Variants in SLC7A8 observed in about 807,000 individuals in gnomAD.
The protein encoded by SLC7A8 is solute carrier family 7 member 8, also known as large neutral amino acids transporter small subunit 2.
SLC7A8 carries 30 observed loss-of-function variants against 51.2 expected under a neutral mutation model. The ratio of observed to expected loss-of-function variants is 0.59; its 90% CI spans 0.44 to 0.80. SLC7A8 has a LOEUF of 0.80. Among genes scored for constraint, SLC7A8 ranks in the 30% least tolerant of loss-of-function variants. The pLI is 0.00. For missense variants in SLC7A8, 612 were observed against 674.4 expected (o/e 0.91, Z 1.03); for synonymous variants, 257 against 275.8 (o/e 0.93, Z 0.67).
chr14:23,134,634 T>C (rs1021558974), intron 7 of SLC7A8, among the ~76,000 whole-genome samples: 1 of 152,074 alleles, frequency 6.6e-6, no homozygotes, highest in African/African-American at 2.4e-5. Flanking sequence ...TATAGCTCAC[T>C]GCAGCCTCCA....
intron 3 of SLC7A8, among the ~76,000 whole-genome samples, chr14:23,154,815 C>T (rs926218953): frequency 1.3e-5 from 2 of 152,042 alleles, no homozygotes; most frequent in East Asian, 3.9e-4. Flanking sequence ...CTTCTCTATT[C>T]CCCGCCCACC....
intron 3 of SLC7A8, chr14:23,156,176 T>G (rs1461892927): frequency 6.6e-6 from 1 of 152,134 alleles, no homozygotes; most frequent in East Asian, 1.9e-4. Context: ...TTTTGTATTT[T>G]TAGTAGAGAC....
rs150180016 is a variant in SLC7A8 at position 23,176,008 on chromosome 14, A to G, written c.151+6756T>C. 1.8e-3 allele frequency among the ~76,000 whole-genome samples: 277 copies of G among 152,292 alleles called. 2 individuals are homozygous for G. The highest frequency in any genetic ancestry group is 6.3e-3 in the African/African-American group (262 of 41,550). On this transcript the variant is annotated intron_variant, in intron 1 of 10. Coordinates refer to ENST00000316902, the MANE Select transcript of SLC7A8 (RefSeq NM_012244.4). ...TTTGAGAACAATGAGGGTTTTAATC[A>G]CATTTTCATCCTGAATGAACCAAAT... is the stretch of plus-strand genomic sequence containing the variant.
chr14:23,180,138 C>T (rs979039457), intron 1 of SLC7A8, among the ~76,000 whole-genome samples: 3 of 152,180 alleles, frequency 2.0e-5, no homozygotes, highest in East Asian at 1.9e-4. Flanking sequence ...GATCTCCTGA[C>T]CTCGTGATCC....
At chr14:23,175,954 T>A (rs1270544876) in intron 1 of SLC7A8, among the ~76,000 whole-genome samples, 1 of 152,208 alleles carries the variant, frequency 6.6e-6, no homozygotes, top group African/African-American at 2.4e-5. Flanking sequence ...TTGAAATACC[T>A]CCTAGCTGGC....
At chr14:23,164,870 C>T (rs1356687754) in intron 3 of SLC7A8, among the ~76,000 whole-genome samples, 1 of 151,868 alleles carries the variant, frequency 6.6e-6, no homozygotes, top group Non-Finnish European at 1.5e-5. Flanking sequence ...CTCACGCCTG[C>T]AATCCCAGCA....
chr14:23,163,979 A>T (rs987761980), intron 3 of SLC7A8, among the ~76,000 whole-genome samples: 5 of 145,722 alleles, frequency 3.4e-5, no homozygotes, highest in Non-Finnish European at 6.0e-5. Flanking sequence ...TTTTTTTTTT[A>T]GAGACAGGAT....
chr14:23,134,705 A>G (rs1316867027), intron 7 of SLC7A8, among the ~76,000 whole-genome samples: 1 of 151,796 alleles, frequency 6.6e-6, no homozygotes, highest in African/African-American at 2.4e-5. Context: ...CTACATGTAC[A>G]TATCACCGTG....
chr14:23,162,960 G>C (rs1433833971), intron 3 of SLC7A8, among the ~76,000 whole-genome samples: 1 of 152,108 alleles, frequency 6.6e-6, no homozygotes, highest in Non-Finnish European at 1.5e-5. Context: ...GAAAAAGGAA[G>C]CTGTCTGTGT....
At position 23,176,165 on chromosome 14, in the gene SLC7A8, T is replaced by A. The variant is rs187547883; in HGVS notation, c.151+6599A>T. 3.1e-3 allele frequency among the ~76,000 whole-genome samples: 471 copies of A among 152,348 alleles called. 1 individual carries two copies. Among genetic ancestry groups the A allele is most frequent in the Non-Finnish European group, 5.5e-3 (374 of 68,036 alleles). On this transcript the variant is annotated intron_variant, in intron 1 of 10. Coordinates refer to ENST00000316902, the MANE Select transcript of SLC7A8 (RefSeq NM_012244.4). ...ATTTTTGGGATTAGAAGCTAATACA[T>A]CATATTAGAGACTAAAATGCAAAAT...
rs920755040 is a variant in SLC7A8 at position 23,129,686 on chromosome 14, A to T, written c.1227T>A (p.Leu409=). 6 of 1,614,102 alleles carry T rather than the reference A, an allele frequency of 3.7e-6. No homozygotes were observed. Among genetic ancestry groups the T allele is most frequent in the Non-Finnish European group, 4.2e-6 (5 of 1,180,044 alleles). Residue 409 remains leucine (L), a synonymous_variant, in exon 9 of 11, where the codon CTT becomes CTA. Transcript: ENST00000316902. ...GGGGGATATCAGGCTTCTTCCAGCG[A>T]AGGACTATCTGTCCAGCAACCGTGA... The part of the protein sequence containing the change: ...YGVTVAGQIV[L]RWKKPDIPRP...
At chr14:23,182,013 G>T (rs1239486411) in intron 1 of SLC7A8, among the ~76,000 whole-genome samples, 1 of 152,190 alleles carries the variant, frequency 6.6e-6, no homozygotes, top group Non-Finnish European at 1.5e-5. Flanking sequence ...TTACCCATCA[G>T]TTCCTCCTCA....
chr14:23,145,987 T>C (rs1356901661), intron 3 of SLC7A8, among the ~76,000 whole-genome samples: 1 of 152,196 alleles, frequency 6.6e-6, no homozygotes, highest in Non-Finnish European at 1.5e-5. Flanking sequence ...TAAATACACA[T>C]TTGGTTTGTC....
At chr14:23,137,456 C>A (rs913306314) in intron 7 of SLC7A8, among the ~76,000 whole-genome samples, 4 of 152,134 alleles carry the variant, frequency 2.6e-5, no homozygotes, top group Non-Finnish European at 5.9e-5. Flanking sequence ...CAGGCTAGTT[C>A]CAGAACATTC....
At chr14:23,127,878 TCTGGACTCTTC>T in intron 10 of SLC7A8, 130 bp downstream of exon 10, 2 of 723,052 alleles carry the variant, frequency 2.8e-6, no homozygotes, top group Non-Finnish European at 4.6e-6. Flanking sequence ...CTTCCCCTGC[TCTGGACTCTTC>T]CAGGGCTCTG....
chr14:23,143,325 A>G, intron 3 of SLC7A8, 121 bp from the exon 4 acceptor site: 1 of 1,390,358 alleles, frequency 7.2e-7, no homozygotes, highest in African/African-American at 1.4e-5. Flanking sequence ...TGAGCCAGAC[A>G]TCCAGCAAGC....
intron 3 of SLC7A8, among the ~76,000 whole-genome samples, chr14:23,161,372 A>T (rs376889931): frequency 9.9e-5 from 15 of 151,592 alleles, no homozygotes; most frequent in African/African-American, 3.4e-4. Flanking sequence ...TACACCAATG[A>T]CCTCTCCACA....
intron 3 of SLC7A8, chr14:23,155,540 C>CTAA (rs2048886554): frequency 8.0e-7 from 1 of 1,253,108 alleles, no homozygotes; most frequent in Non-Finnish European, 1.0e-6. Context: ...TCAGCATGAG[C>CTAA]TAAACATGGC....
At chr14:23,163,615 C>T (rs564872281) in intron 3 of SLC7A8, among the ~76,000 whole-genome samples, 5 of 152,158 alleles carry the variant, frequency 3.3e-5, no homozygotes, top group South Asian at 4.1e-4. Flanking sequence ...TCCCCCATCC[C>T]GTAACAGGAC....
Sources: gnomAD v4.1 joint callset for allele counts (sites outside exome capture counted in the v4.1 genomes callset) on GRCh38, gnomAD v4.1.1 for gene constraint, MANE v1.5 for transcripts, NCBI Gene and HGNC (gene_info 2026-07-23, HGNC 2026-07-21) for gene names.